PPARGC1A: variants seen among roughly 807,000 people sequenced by gnomAD.
PPARGC1A encodes PPARG coactivator 1 alpha, also known as peroxisome proliferator-activated receptor gamma coactivator 1-alpha.
A neutral mutation model predicts 88.7 loss-of-function variants in PPARGC1A; 25 were observed. The ratio of observed to expected loss-of-function variants is 0.28; its 90% confidence interval spans 0.21 to 0.39. PPARGC1A has a LOEUF of 0.39. Among genes scored for constraint, PPARGC1A ranks in the 10% least tolerant of loss-of-function variants. The pLI, the probability that PPARGC1A is intolerant of heterozygous loss-of-function variation, is 1.00. For synonymous variants in PPARGC1A, 363 were observed against 355.6 expected (o/e 1.02, Z -0.24); for missense variants, 880 against 968.7 (o/e 0.91, Z 1.22).
At chr4:24,140,134 T>G in the PPARGC1A span, among the ~76,000 whole-genome samples, 1 of 152,124 alleles carries the variant, frequency 6.6e-6, no homozygotes, top group Non-Finnish European at 1.5e-5. Context: ...GCCATCTATC[T>G]GTGTGAAACG....
chr4:24,147,779 T>C, the PPARGC1A span, among the ~76,000 whole-genome samples: 2 of 152,048 alleles, frequency 1.3e-5, no homozygotes, highest in Non-Finnish European at 2.9e-5. Context: ...GAAACCCATC[T>C]CTACTAAAAT....
At chr4:23,832,610 T>C (rs987518623) in intron 2 of PPARGC1A, among the ~76,000 whole-genome samples, 1 of 141,834 alleles carries the variant, frequency 7.1e-6, no homozygotes, top group Non-Finnish European at 1.5e-5. Flanking sequence ...CTTTTTCTTT[T>C]TCTTTTTTTT....
intron 3 of PPARGC1A, 128 bp downstream of exon 3, chr4:23,831,429 T>G: frequency 1.3e-6 from 1 of 774,766 alleles, no homozygotes; most frequent in Non-Finnish European, 2.1e-6. Flanking sequence ...ACTCTGAGTG[T>G]GCTTGGGGAT....
At chr4:24,086,528 A>G in the PPARGC1A span, among the ~76,000 whole-genome samples, 1 of 152,160 alleles carries the variant, frequency 6.6e-6, no homozygotes, top group Non-Finnish European at 1.5e-5. Context: ...TGCAACTCCC[A>G]AGATAGATTA....
the PPARGC1A span, among the ~76,000 whole-genome samples, chr4:24,136,915 A>C: frequency 6.6e-6 from 1 of 152,172 alleles, no homozygotes; most frequent in South Asian, 2.1e-4. Flanking sequence ...GGAGTTTGAA[A>C]CCAGCCTGAT....
At chr4:24,122,385 ATGTGTGTGTGTGTG>A in the PPARGC1A span, among the ~76,000 whole-genome samples, 4 of 106,006 alleles carry the variant, frequency 3.8e-5, no homozygotes, top group East Asian at 1.7e-3. Flanking sequence ...GTGTATGCGT[ATGTGTGTGTGTGTG>A]TGTGTGTGTG....
the PPARGC1A span, among the ~76,000 whole-genome samples, chr4:24,399,889 A>C: frequency 6.6e-6 from 1 of 151,894 alleles, no homozygotes; most frequent in African/African-American, 2.4e-5. Context: ...TCCGGATTCA[A>C]GCAATTCTGC....
the PPARGC1A span, among the ~76,000 whole-genome samples, chr4:24,115,038 A>T: frequency 2.0e-5 from 3 of 152,168 alleles, no homozygotes; most frequent in Non-Finnish European, 4.4e-5. Context: ...AAAATAAAGC[A>T]TTCCCGGTAA....
At chr4:24,104,759 C>T in the PPARGC1A span, among the ~76,000 whole-genome samples, 1,090 of 152,272 alleles carry the variant, frequency 7.2e-3, 6 homozygotes, top group Non-Finnish European at 0.012. Context: ...CTTGGTGCAA[C>T]GCCTCTCCCC....
chr4:24,233,935 G>T, the PPARGC1A span, among the ~76,000 whole-genome samples: 13 of 152,260 alleles, frequency 8.5e-5, no homozygotes, highest in African/African-American at 3.1e-4. Flanking sequence ...TATTGGGCAC[G>T]TAATTCAGAA....
At chr4:23,818,161 C>T (rs546474650) in intron 7 of PPARGC1A, among the ~76,000 whole-genome samples, 7 of 152,190 alleles carry the variant, frequency 4.6e-5, no homozygotes, top group Admixed American at 2.6e-4. Context: ...TTATTTCCTG[C>T]GTGTTGATTT....
the PPARGC1A span, among the ~76,000 whole-genome samples, chr4:23,931,153 T>C: frequency 3.3e-5 from 5 of 152,180 alleles, no homozygotes; most frequent in African/African-American, 4.8e-5. Context: ...GCTGCCTTTC[T>C]GAGCTTGTGC....
chr4:23,859,954 T>C (rs1441516007), intron 2 of PPARGC1A, among the ~76,000 whole-genome samples: 2 of 152,034 alleles, frequency 1.3e-5, no homozygotes, highest in African/African-American at 4.8e-5. Flanking sequence ...GAAAAAGGGC[T>C]TTTGAGTTAG....
rs1234517054 is a variant in PPARGC1A at position 23,852,169 on chromosome 4, T to C, written c.235-20418A>G. ...TGAATTAAAATGTAGAATTATTTCA[T>C]TCTTTCTAGCTCAAGTTTCAAACTA... is the stretch of plus-strand genomic sequence containing the variant. On this transcript the variant is annotated intron_variant, in intron 2 of 12. Coordinates refer to ENST00000264867, the MANE Select transcript of PPARGC1A (RefSeq NM_013261.5). Among the ~76,000 whole-genome samples, 3 of 152,194 alleles carry C rather than the reference T, an allele frequency of 2.0e-5. No homozygotes were observed. In the East Asian group the frequency reaches 5.8e-4, roughly 29 times the overall value.
chr4:24,402,104 T>G, the PPARGC1A span, among the ~76,000 whole-genome samples: 2 of 152,130 alleles, frequency 1.3e-5, no homozygotes, highest in African/African-American at 4.8e-5. Context: ...TAGAACTCTA[T>G]TTGGTTGAGG....
At chr4:23,922,608 T>C in the PPARGC1A span, among the ~76,000 whole-genome samples, 738 of 152,328 alleles carry the variant, frequency 4.8e-3, 5 homozygotes, top group African/African-American at 0.017. Flanking sequence ...TTTCTGGGTC[T>C]GAGGCGGAGG....
the PPARGC1A span, among the ~76,000 whole-genome samples, chr4:24,276,834 G>A: frequency 6.6e-6 from 1 of 152,240 alleles, no homozygotes; most frequent in South Asian, 2.1e-4. Context: ...CTCATAAAAG[G>A]GAAGTATGGA....
chr4:24,229,321 G>A, the PPARGC1A span, among the ~76,000 whole-genome samples: 3 of 150,192 alleles, frequency 2.0e-5, no homozygotes, highest in East Asian at 4.0e-4. Context: ...GCTAATTTTT[G>A]TATTTTTAAT....
chr4:23,912,228 G>C, the PPARGC1A span, among the ~76,000 whole-genome samples: 3 of 152,116 alleles, frequency 2.0e-5, no homozygotes, highest in African/African-American at 7.2e-5. Context: ...CAGACCAAGA[G>C]ACAGCTTGTT....
Sources: allele counts gnomAD v4.1 joint callset (sites outside exome capture counted in the v4.1 genomes callset), GRCh38; gene constraint gnomAD v4.1.1; transcripts MANE v1.5; gene names NCBI Gene and HGNC (gene_info 2026-07-23, HGNC 2026-07-21).